Variants in IQCJ observed in about 807,000 individuals in gnomAD.
IQCJ encodes IQ domain-containing protein J.
In IQCJ, 9 loss-of-function variants were observed where a neutral mutation model predicts 11.0. That is an observed-to-expected ratio of 0.82 (90% CI 0.49 to 1.43). The LOEUF is 1.43. IQCJ is among the 40% of genes most tolerant of loss of function. IQCJ has a pLI of 0.00. For missense variants in IQCJ, 146 were observed against 133.2 expected (o/e 1.10, Z -0.47); for synonymous variants, 55 against 51.3 (o/e 1.07, Z -0.31).
At chr3:159,252,466 A>G (rs758697620) in intron 2 of IQCJ, among the ~76,000 whole-genome samples, 2 of 152,160 alleles carry the variant, frequency 1.3e-5, no homozygotes, top group Admixed American at 6.5e-5. Context: ...CTTTTCTCTT[A>G]AAGGAAATGA....
At chr3:159,180,742 A>G (rs1723048079) in intron 1 of IQCJ, among the ~76,000 whole-genome samples, 1 of 152,038 alleles carries the variant, frequency 6.6e-6, no homozygotes, top group Non-Finnish European at 1.5e-5. Flanking sequence ...GAAACATGGG[A>G]AATTCAGAAA....
chr3:159,129,542 C>T (rs144892159), intron 1 of IQCJ, among the ~76,000 whole-genome samples: 1 of 152,130 alleles, frequency 6.6e-6, no homozygotes. Flanking sequence ...TCAAAAAAGC[C>T]AAATTTCTCT....
At chr3:159,219,657 A>G (rs1428045798) in intron 1 of IQCJ, among the ~76,000 whole-genome samples, 1 of 152,110 alleles carries the variant, frequency 6.6e-6, no homozygotes, top group East Asian at 1.9e-4. Flanking sequence ...AATATTAAAG[A>G]TCTCTCCTTT....
intron 1 of IQCJ, among the ~76,000 whole-genome samples, chr3:159,186,159 T>C (rs1723359198): frequency 6.6e-6 from 1 of 152,082 alleles, no homozygotes; most frequent in South Asian, 2.1e-4. Context: ...GTTGACTTAG[T>C]GAGGGATGAA....
intron 1 of IQCJ, among the ~76,000 whole-genome samples, chr3:159,232,405 G>C (rs1033656584): frequency 6.6e-6 from 1 of 150,980 alleles, no homozygotes; most frequent in Admixed American, 6.6e-5. Context: ...GTCTCATTCA[G>C]GAGCAGGTTG....
intron 1 of IQCJ, among the ~76,000 whole-genome samples, chr3:159,219,211 A>G (rs1725400821): frequency 1.3e-5 from 2 of 152,154 alleles, no homozygotes; most frequent in Admixed American, 6.5e-5. Context: ...CTCTAGGAGA[A>G]GCATGTCTGA....
rs1360287065 is a variant in IQCJ at position 159,262,566 on chromosome 3, A to T, written c.174A>T (p.Arg58=). ...TTTTCAGCATTCAGCGAGCATGGCG[A>T]GAGTACCTGCAGCGGCAGGAGCCCC... ...SKVKIIQRAW[R]EYLQRQEPLG... The change falls in exon 4 of 4, where the codon CGA becomes CGT. Residue 58 remains arginine (R), a synonymous_variant. Coordinates refer to ENST00000397832, the MANE Select transcript of IQCJ (RefSeq NM_001042706.3). The T allele has an allele frequency of 1.2e-6, 2 of 1,613,648 alleles. No homozygotes were observed. The highest frequency in any genetic ancestry group is 1.7e-5 in the Admixed American group (1 of 60,002).
intron 3 of IQCJ, among the ~76,000 whole-genome samples, chr3:159,260,132 G>T (rs1728118364): frequency 6.6e-6 from 1 of 152,174 alleles, no homozygotes; most frequent in Non-Finnish European, 1.5e-5. Flanking sequence ...GAACTGGTAT[G>T]CCAATTTCCA....
intron 1 of IQCJ, among the ~76,000 whole-genome samples, chr3:159,188,351 A>C (rs1184546117): frequency 1.3e-5 from 2 of 152,152 alleles, no homozygotes; most frequent in Non-Finnish European, 2.9e-5. Flanking sequence ...TGGAGGTTGC[A>C]GTGAGCCGAG....
chr3:159,077,917 T>C (rs1716040146), intron 1 of IQCJ, among the ~76,000 whole-genome samples: 1 of 152,094 alleles, frequency 6.6e-6, no homozygotes, highest in African/African-American at 2.4e-5. Context: ...TCCTAAGCCT[T>C]GATGTAATAT....
Position 159,175,873 on chromosome 3 carries a change from C to T in IQCJ, c.10-69970C>T, listed in dbSNP as rs1722764636. Among the ~76,000 whole-genome samples the T allele has an allele frequency of 2.0e-5, 3 of 152,156 alleles. No homozygotes were observed. The South Asian group carries it at 6.2e-4, about 32-fold the overall frequency. On this transcript the variant is annotated intron_variant, in intron 1 of 3. Coordinates refer to ENST00000397832, the MANE Select transcript of IQCJ (RefSeq NM_001042706.3). ...GTTGCATGGTAAGTATTTAGTGTATCAGAAACTGACAAGCTGTTTTCTATT... is the reference window on the plus strand; with the variant it reads ...GTTGCATGGTAAGTATTTAGTGTATTAGAAACTGACAAGCTGTTTTCTATT...
chr3:159,092,437 C>T (rs1276789851), intron 1 of IQCJ, among the ~76,000 whole-genome samples: 1 of 151,830 alleles, frequency 6.6e-6, no homozygotes, highest in African/African-American at 2.4e-5. Context: ...CTGTGGCTCA[C>T]GCCAGTAATC....
chr3:159,179,274 A>G (rs901020144), intron 1 of IQCJ, among the ~76,000 whole-genome samples: 1 of 152,176 alleles, frequency 6.6e-6, no homozygotes, highest in Non-Finnish European at 1.5e-5. Context: ...GTTTGGGACT[A>G]TTTAACAGTT....
chr3:159,116,625 T>C (rs1428652590), intron 1 of IQCJ, among the ~76,000 whole-genome samples: 6 of 19,188 alleles, frequency 3.1e-4, no homozygotes, highest in Non-Finnish European at 6.0e-4. Context: ...TATATATATA[T>C]ATATATATAT....
chr3:159,197,734 C>T (rs1467447958), intron 1 of IQCJ, among the ~76,000 whole-genome samples: 8 of 151,872 alleles, frequency 5.3e-5, no homozygotes, highest in Non-Finnish European at 1.0e-4. Flanking sequence ...CTGAGACAAA[C>T]TGCAGAGTTG....
At chr3:159,093,439 T>C (rs1220419444) in intron 1 of IQCJ, among the ~76,000 whole-genome samples, 2 of 151,856 alleles carry the variant, frequency 1.3e-5, no homozygotes, top group Non-Finnish European at 2.9e-5. Context: ...CATCTTTTTG[T>C]CAAGATTTGG....
intron 1 of IQCJ, among the ~76,000 whole-genome samples, chr3:159,139,024 G>T (rs1559999630): frequency 6.6e-6 from 1 of 152,124 alleles, no homozygotes; most frequent in Non-Finnish European, 1.5e-5. Context: ...CTGGTGCTTG[G>T]AAACAAATGA....
At chr3:159,148,451 AAT>A (rs1406781534) in intron 1 of IQCJ, among the ~76,000 whole-genome samples, 8 of 152,224 alleles carry the variant, frequency 5.3e-5, no homozygotes, top group Admixed American at 4.6e-4. Flanking sequence ...GTCAGTTCTC[AAT>A]ATGTTTATTT....
chr3:159,096,147 G>C (rs1362366221), intron 1 of IQCJ, among the ~76,000 whole-genome samples: 8 of 89,244 alleles, frequency 9.0e-5, no homozygotes, highest in African/African-American at 3.9e-4. Context: ...GTGTTTTTTG[G>C]CTGCATAAAT....
Sources: gnomAD v4.1 joint callset for allele counts (sites outside exome capture counted in the v4.1 genomes callset) on GRCh38, gnomAD v4.1.1 for gene constraint, MANE v1.5 for transcripts, NCBI Gene and HGNC (gene_info 2026-07-23, HGNC 2026-07-21) for gene names.